DOCK4: variants seen among roughly 807,000 people sequenced by gnomAD.
The protein encoded by DOCK4 is dedicator of cytokinesis protein 4.
Under a neutral mutation model 268.1 loss-of-function variants are expected in DOCK4, and 97 were observed. The ratio of observed to expected loss-of-function variants is 0.36; its 90% CI spans 0.31 to 0.43. The LOEUF is 0.43. Ranked by LOEUF, DOCK4 falls within the 20% of genes least tolerant of loss-of-function variation. The probability of loss-of-function intolerance (pLI) is 1.00; values close to 1 mark genes in which losing one functional copy is unlikely to be tolerated. For missense variants in DOCK4, 2,145 were observed against 2,455.7 expected (o/e 0.87, Z 2.67); for synonymous variants, 954 against 887.2 (o/e 1.08, Z -1.34).
chr7:111,899,164 T>C (rs540108184), intron 15 of DOCK4, among the ~76,000 whole-genome samples: 1 of 152,306 alleles, frequency 6.6e-6, no homozygotes, highest in South Asian at 2.1e-4. Flanking sequence ...ACAAGCATAA[T>C]GTATGAAGCT....
chr7:111,820,774 G>A (rs1287576945), intron 27 of DOCK4: 1 of 152,142 alleles, frequency 6.6e-6, no homozygotes, highest in Non-Finnish European at 1.5e-5. Context: ...CTCTGCACAT[G>A]AGTCAGGCAG....
At chr7:111,861,312 A>G (rs751653416) in intron 23 of DOCK4, among the ~76,000 whole-genome samples, 29 of 146,944 alleles carry the variant, frequency 2.0e-4, no homozygotes, top group African/African-American at 3.0e-4. Flanking sequence ...GCTATTTCAG[A>G]AAAAAAAATA....
chr7:111,857,537 G>A (rs1805110197), intron 23 of DOCK4, among the ~76,000 whole-genome samples: 2 of 152,180 alleles, frequency 1.3e-5, no homozygotes, highest in African/African-American at 4.8e-5. Context: ...GGATTTGCCT[G>A]ATAAACTGTT....
At chr7:111,884,121 A>G (rs1199262942) in intron 16 of DOCK4, among the ~76,000 whole-genome samples, 1 of 152,158 alleles carries the variant, frequency 6.6e-6, no homozygotes, top group Non-Finnish European at 1.5e-5. Flanking sequence ...TATTTCTGAA[A>G]AACTTAAGCT....
chr7:112,189,744 TTG>T (rs1254397932), intron 1 of DOCK4, among the ~76,000 whole-genome samples: 2 of 75,962 alleles, frequency 2.6e-5, no homozygotes, highest in African/African-American at 9.4e-5. Flanking sequence ...TGTCTGGGTT[TTG>T]TTTTTTTTTT....
intron 4 of DOCK4, among the ~76,000 whole-genome samples, chr7:111,995,441 G>T (rs940171636): frequency 5.8e-5 from 6 of 103,716 alleles, no homozygotes; most frequent in African/African-American, 2.7e-4. Flanking sequence ...GTGTGTGTGT[G>T]TGTGTGTGTG....
chr7:112,034,877 G>C lies in DOCK4; in HGVS notation c.38-30746C>G, dbSNP rs138284698. ...AGATCCTGCCATTGCACTCCAGCCT[G>C]GGAGACAGAAAAAATGACTCAGTCT... On this transcript the variant is annotated intron_variant, in intron 1 of 52. Transcript: ENST00000428084. Among the ~76,000 whole-genome samples the C allele has an allele frequency of 1.6e-4, 24 of 152,190 alleles. No individual in the cohort carries two copies. In the East Asian group the frequency reaches 4.3e-3, roughly 27 times the overall value.
chr7:111,768,872 T>C (rs1797935900), intron 37 of DOCK4, among the ~76,000 whole-genome samples: 1 of 152,238 alleles, frequency 6.6e-6, no homozygotes, highest in African/African-American at 2.4e-5. Context: ...TGTTTGGGTC[T>C]CTGACAAATT....
At chr7:112,022,091 A>T (rs1403039906) in intron 1 of DOCK4, among the ~76,000 whole-genome samples, 1 of 152,238 alleles carries the variant, frequency 6.6e-6, no homozygotes, top group Non-Finnish European at 1.5e-5. Context: ...CACCTAGAAC[A>T]GAAAGGTTTA....
chr7:111,774,304 A>C (rs1384915449), intron 36 of DOCK4, among the ~76,000 whole-genome samples: 1 of 152,056 alleles, frequency 6.6e-6, no homozygotes, highest in African/African-American at 2.4e-5. Context: ...GTCTCTACTA[A>C]AAATACAAAA....
chr7:111,753,008 G>GGGC (rs937280897), intron 42 of DOCK4, among the ~76,000 whole-genome samples: 2 of 146,822 alleles, frequency 1.4e-5, no homozygotes, highest in Non-Finnish European at 3.0e-5. Context: ...AAGCTATTGG[G>GGGC]GGGGGGGTCT....
chr7:111,843,691 C>T (rs1265387249), intron 25 of DOCK4, among the ~76,000 whole-genome samples: 1 of 152,032 alleles, frequency 6.6e-6, no homozygotes, highest in Non-Finnish European at 1.5e-5. Context: ...AATAGATACA[C>T]ATATATAAAC....
At chr7:111,785,985 G>C (rs3757646) in intron 32 of DOCK4, among the ~76,000 whole-genome samples, 1 of 151,840 alleles carries the variant, frequency 6.6e-6, no homozygotes, top group African/African-American at 2.4e-5. Flanking sequence ...TCCCTCTCTC[G>C]GTATCATAAT....
intron 12 of DOCK4, among the ~76,000 whole-genome samples, chr7:111,929,834 G>A (rs897039820): frequency 6.6e-6 from 1 of 152,196 alleles, no homozygotes; most frequent in Admixed American, 6.5e-5. Context: ...TCTTCTAGGT[G>A]TAAGCTACAT....
intron 1 of DOCK4, among the ~76,000 whole-genome samples, chr7:112,188,212 C>T (rs1465698545): frequency 6.6e-6 from 1 of 152,218 alleles, no homozygotes; most frequent in Non-Finnish European, 1.5e-5. Context: ...ATATCTCATA[C>T]ACTTCACCTT....
At chr7:111,913,516 T>C (rs1487370075) in intron 13 of DOCK4, among the ~76,000 whole-genome samples, 1 of 150,830 alleles carries the variant, frequency 6.6e-6, no homozygotes, top group Non-Finnish European at 1.5e-5. Flanking sequence ...TTCACGCCAT[T>C]CTCCTGCCTC....
At chr7:112,047,164 G>A (rs1446791342) in intron 1 of DOCK4, among the ~76,000 whole-genome samples, 1 of 152,048 alleles carries the variant, frequency 6.6e-6, no homozygotes, top group African/African-American at 2.4e-5. Context: ...CAGTTTTAAG[G>A]CAAAAGTAAC....
chr7:111,813,428 T>C (rs1223439370), intron 27 of DOCK4, among the ~76,000 whole-genome samples: 7 of 152,096 alleles, frequency 4.6e-5, no homozygotes, highest in African/African-American at 1.7e-4. Context: ...TCTTGTGGGG[T>C]AGGGAAATAT....
chr7:112,025,871 G>C (rs1802739291), intron 1 of DOCK4, among the ~76,000 whole-genome samples: 1 of 152,122 alleles, frequency 6.6e-6, no homozygotes, highest in Admixed American at 6.5e-5. Context: ...AACTGAGAGA[G>C]TGTCCCCTCC....
Sources: allele counts gnomAD v4.1 joint callset (sites outside exome capture counted in the v4.1 genomes callset), GRCh38; gene constraint gnomAD v4.1.1; transcripts MANE v1.5; gene names NCBI Gene and HGNC (gene_info 2026-07-23, HGNC 2026-07-21).